Variants in SYNPR observed in about 807,000 individuals in gnomAD.
SYNPR encodes the protein synaptoporin.
In SYNPR, 23 loss-of-function variants were observed where a neutral mutation model predicts 32.9. That is an observed-to-expected ratio of 0.70 (90% confidence interval 0.50 to 0.99). The LOEUF (loss-of-function observed/expected upper bound fraction) is 0.99, where lower values mean the gene tolerates loss of function less well. SYNPR is among the 50% of genes least tolerant of loss of function. The pLI is 0.00. For synonymous variants in SYNPR, 146 were observed against 135.9 expected (o/e 1.07, Z -0.52); for missense variants, 318 against 349.3 (o/e 0.91, Z 0.71).
Position 63,415,621 on chromosome 3 carries a change from G to T in SYNPR, c.85-65211G>T, listed in dbSNP as rs1575632744. On this transcript the variant is annotated intron_variant, in intron 2 of 5. Transcript: ENST00000478300. The stretch of plus-strand genomic sequence containing the variant: ...GACAATATGTAACCAAATCAACGCG[G>T]CTGTTTTCCAATAAAAATTCAAGAA... 3.9e-5 allele frequency among the ~76,000 whole-genome samples: 6 copies of T among 152,266 alleles called. 1 individual carries two copies. The highest frequency in any genetic ancestry group is 1.9e-4 in the East Asian group (1 of 5,180).
At chr3:63,276,126 T>C (rs2086572518), upstream of SYNPR, among the ~76,000 whole-genome samples, 1 of 152,186 alleles carries the variant, frequency 6.6e-6, no homozygotes, top group African/African-American at 2.4e-5. Context: ...AACCTCTATA[T>C]AGAAATTATA....
chr3:63,436,868 T>C (rs1293655891), intron 2 of SYNPR, among the ~76,000 whole-genome samples: 2 of 152,098 alleles, frequency 1.3e-5, no homozygotes, highest in African/African-American at 2.4e-5. Context: ...GTATGGGCTT[T>C]CCTTTTCCTT....
chr3:63,593,585 G>A (rs1206786360), intron 4 of SYNPR, among the ~76,000 whole-genome samples: 1 of 152,016 alleles, frequency 6.6e-6, no homozygotes, highest in East Asian at 1.9e-4. Flanking sequence ...AAGTTTTCTG[G>A]GAACAGTCTA....
intron 2 of SYNPR, among the ~76,000 whole-genome samples, chr3:63,355,286 A>G (rs1336053544): frequency 6.6e-6 from 1 of 151,932 alleles, no homozygotes; most frequent in African/African-American, 2.4e-5. Context: ...CAAAAAAAAA[A>G]AAAAAAGTCC....
At chr3:63,602,821 T>G (rs557349036) in intron 4 of SYNPR, among the ~76,000 whole-genome samples, 1 of 152,116 alleles carries the variant, frequency 6.6e-6, no homozygotes, top group African/African-American at 2.4e-5. Context: ...ATTGCCTTGG[T>G]CATTCAGGCT....
chr3:63,419,097 C>T (rs1488661185), intron 2 of SYNPR, among the ~76,000 whole-genome samples: 2 of 152,302 alleles, frequency 1.3e-5, no homozygotes, highest in Middle Eastern at 3.4e-3. Flanking sequence ...ACTTGTCAAA[C>T]AAACTCTTAT....
chr3:63,520,037 G>A (rs946680407), intron 3 of SYNPR, among the ~76,000 whole-genome samples: 3 of 152,010 alleles, frequency 2.0e-5, no homozygotes, highest in Non-Finnish European at 4.4e-5. Context: ...GGAGTCAGAT[G>A]GTAGGTTCTA....
chr3:63,432,904 G>A (rs1700019102), intron 2 of SYNPR, among the ~76,000 whole-genome samples: 1 of 152,206 alleles, frequency 6.6e-6, no homozygotes, highest in African/African-American at 2.4e-5. Flanking sequence ...TGTGGGAAAA[G>A]GGAGCTGGGG....
At chr3:63,404,991 T>C (rs1194994197) in intron 2 of SYNPR, among the ~76,000 whole-genome samples, 1 of 152,106 alleles carries the variant, frequency 6.6e-6, no homozygotes, top group Non-Finnish European at 1.5e-5. Flanking sequence ...ATTTGGTCAC[T>C]TATTCAACAA....
At chr3:63,509,288 G>GTATATATA (rs1007085201) in intron 3 of SYNPR, among the ~76,000 whole-genome samples, 2 of 147,634 alleles carry the variant, frequency 1.4e-5, no homozygotes, top group Non-Finnish European at 3.0e-5. Context: ...ATATGTGTGT[G>GTATATATA]TATATATATA....
intron 3 of SYNPR, among the ~76,000 whole-genome samples, chr3:63,532,875 T>A (rs187756515): frequency 6.6e-6 from 1 of 152,338 alleles, no homozygotes; most frequent in African/African-American, 2.4e-5. Flanking sequence ...CCTCTACAGG[T>A]CAGGATTAAT....
chr3:63,327,343 T>C (rs1420200549), intron 2 of SYNPR, among the ~76,000 whole-genome samples: 1 of 152,142 alleles, frequency 6.6e-6, no homozygotes, highest in Non-Finnish European at 1.5e-5. Context: ...AGTGGGTATA[T>C]GTATATGTTG....
intron 4 of SYNPR, among the ~76,000 whole-genome samples, chr3:63,594,699 A>G (rs1191850407): frequency 6.6e-6 from 1 of 152,156 alleles, no homozygotes; most frequent in Non-Finnish European, 1.5e-5. Flanking sequence ...AGTGTTCTCT[A>G]AGTGTTGGCA....
At chr3:63,371,621 C>A (rs760121689) in intron 2 of SYNPR, among the ~76,000 whole-genome samples, 1 of 152,116 alleles carries the variant, frequency 6.6e-6, no homozygotes, top group Admixed American at 6.5e-5. Context: ...CTAGAAGGTG[C>A]GTGGTGATTT....
At chr3:63,476,778 T>A (rs911503305) in intron 2 of SYNPR, among the ~76,000 whole-genome samples, 4 of 152,210 alleles carry the variant, frequency 2.6e-5, no homozygotes, top group Admixed American at 1.3e-4. Context: ...CCAGAATAAC[T>A]CCCCTCAAAA....
intron 3 of SYNPR, among the ~76,000 whole-genome samples, chr3:63,490,890 A>G (rs1304545308): frequency 1.3e-5 from 2 of 152,054 alleles, no homozygotes; most frequent in African/African-American, 2.4e-5. Context: ...CAGCCTCCCA[A>G]GTAGCTGAGA....
chr3:63,601,979 A>G (rs1700051570), intron 4 of SYNPR, among the ~76,000 whole-genome samples: 1 of 151,994 alleles, frequency 6.6e-6, no homozygotes, highest in African/African-American at 2.4e-5. Context: ...TTTCTCTGCA[A>G]CCTTGCCAGC....
At chr3:63,311,097 C>CT (rs1046671983) in intron 2 of SYNPR, among the ~76,000 whole-genome samples, 5 of 151,602 alleles carry the variant, frequency 3.3e-5, no homozygotes, top group African/African-American at 7.3e-5. Context: ...AAAGTGGTGG[C>CT]TTTTTTTTGT....
At chr3:63,229,973 T>A (rs372635649) in intron 1 of SYNPR, among the ~76,000 whole-genome samples, 1 of 152,330 alleles carries the variant, frequency 6.6e-6, no homozygotes, top group African/African-American at 2.4e-5. Flanking sequence ...AATGTTTTCA[T>A]GTACTACCTA....
Sources: gnomAD v4.1 joint callset for allele counts (sites outside exome capture counted in the v4.1 genomes callset) on GRCh38, gnomAD v4.1.1 for gene constraint, MANE v1.5 for transcripts, NCBI Gene and HGNC (gene_info 2026-07-23, HGNC 2026-07-21) for gene names.